CEP97: variants seen among roughly 807,000 people sequenced by gnomAD.
CEP97 encodes the protein centrosomal protein 97.
In CEP97, 43 loss-of-function variants were observed where a neutral mutation model predicts 73.1. That is an observed-to-expected ratio of 0.59 (90% CI 0.46 to 0.76). The LOEUF (loss-of-function observed/expected upper bound fraction) is 0.76. Among genes scored for constraint, CEP97 ranks in the 30% least tolerant of loss-of-function variants. CEP97 has a pLI of 0.00. For missense variants in CEP97, 939 were observed against 1,014.0 expected (o/e 0.93, Z 1.00); for synonymous variants, 337 against 370.0 (o/e 0.91, Z 1.02).
At chr3:101,732,725 A>G (rs1401294815) in intron 6 of CEP97, 71 bp downstream of exon 6, 13 of 1,323,484 alleles carry the variant, frequency 9.8e-6, no homozygotes, top group Non-Finnish European at 1.4e-5. Flanking sequence ...AGATTAATAG[A>G]GTATTTCTTA....
At chr3:101,752,366 ATG>A (rs1419761099) in intron 6 of CEP97, among the ~76,000 whole-genome samples, 2 of 151,924 alleles carry the variant, frequency 1.3e-5, no homozygotes, top group East Asian at 1.9e-4. Context: ...TCTGACAATT[ATG>A]TGTCTTGGAG....
chr3:101,756,979 C>G (rs753729758), intron 7 of CEP97, 84 bp from the exon 8 acceptor site: 18 of 1,314,076 alleles, frequency 1.4e-5, no homozygotes, highest in Non-Finnish European at 1.8e-5. Context: ...AAACTTCTGC[C>G]TTTTTGACAT....
intron 2 of CEP97, among the ~76,000 whole-genome samples, chr3:101,726,940 AG>A (rs1937910941): frequency 2.0e-5 from 3 of 152,218 alleles, no homozygotes; most frequent in South Asian, 4.1e-4. Context: ...TGTTAAGAAA[AG>A]GAAGCATTTT....
chr3:101,764,797 A>G, intron 10 of CEP97, 50 bp from the exon 11 acceptor site: 1 of 1,510,748 alleles, frequency 6.6e-7, no homozygotes. Flanking sequence ...ACAAACAAAC[A>G]AAAACAACAC....
At chr3:101,752,596 T>C (rs879677136) in intron 6 of CEP97, among the ~76,000 whole-genome samples, 121 of 152,320 alleles carry the variant, frequency 7.9e-4, no homozygotes, top group Admixed American at 1.2e-3. Context: ...TTCGTTTCTT[T>C]TTATTCTTTT....
intron 9 of CEP97, 35 bp from the exon 10 acceptor site, chr3:101,762,446 CCCTT>C (rs752421793): frequency 2.2e-6 from 3 of 1,357,504 alleles, no homozygotes; most frequent in Non-Finnish European, 3.1e-6. Context: ...AGTCAAAGCA[CCCTT>C]CCTTATGTCA....
chr3:101,747,625 C>T (rs13068350), intron 6 of CEP97, among the ~76,000 whole-genome samples: 46,511 of 148,728 alleles, frequency 0.31, 7,533 homozygotes, highest in Non-Finnish European at 0.35. Context: ...GGTGCGATCT[C>T]GGCTCACTGC....
In CEP97 at chr3:101,765,567, G is replaced by A. The variant is rs772130647; in HGVS notation, c.*16G>A. The A allele has an allele frequency of 1.3e-6, 2 of 1,565,886 alleles. No individual in the cohort carries two copies. Among genetic ancestry groups the A allele is most frequent in the Non-Finnish European group, 1.7e-6 (2 of 1,153,112 alleles). Reference sequence around the variant, plus strand: ...TACTGTGTAGCATGTCTTTTGGGAGGCAGATATCCACTTAACTTTTCTTAA... The same window carrying A: ...TACTGTGTAGCATGTCTTTTGGGAGACAGATATCCACTTAACTTTTCTTAA... On this transcript the variant is annotated 3_prime_UTR_variant, in exon 11 of 11. Coordinates refer to ENST00000341893, the MANE Select transcript of CEP97 (RefSeq NM_024548.4).
At chr3:101,729,279 G>C (rs1218692577) in intron 4 of CEP97, among the ~76,000 whole-genome samples, 1 of 151,738 alleles carries the variant, frequency 6.6e-6, no homozygotes, top group African/African-American at 2.4e-5. Flanking sequence ...TGGAGGTTGT[G>C]GTGACCCGAG....
rs369814686 is a variant in CEP97 at position 101,758,385 on chromosome 3, G to A, written c.1779G>A (p.Met593Ile). 2 of 1,614,150 alleles carry A rather than the reference G, an allele frequency of 1.2e-6. No individual in the cohort carries two copies. Among genetic ancestry groups the A allele is most frequent in the Non-Finnish European group, 1.7e-6 (2 of 1,180,034 alleles). Reference sequence around the variant, plus strand: ...GTTACGAAATCCGGCTACGCAGAATGCAAGAGCACATTGTCTGCTTAACTG... The same window carrying A: ...GTTACGAAATCCGGCTACGCAGAATACAAGAGCACATTGTCTGCTTAACTG... ...DVRYEIRLRR[M>I]QEHIVCLTDE... The change falls in exon 9 of 11, where the codon ATG becomes ATA. Residue 593 changes from methionine to isoleucine, a missense_variant. By Grantham distance (10) the Met-to-Ile change is conservative (BLOSUM62 1). Coordinates refer to ENST00000341893, the MANE Select transcript of CEP97 (RefSeq NM_024548.4).
chr3:101,756,924 T>C lies in CEP97; in HGVS notation c.894-139T>C, dbSNP rs941382122. The C allele has an allele frequency of 6.2e-5, 45 of 726,998 alleles. No individual in the cohort carries two copies. The African/African-American group carries it at 6.3e-4, about 10-fold the overall frequency. 45.0% of individuals were successfully genotyped at this position (726,998 alleles called of 1,614,324 possible). ...TTTATCCAGTGCTTTCAAATGAGGA[T>C]TTATAATTTGGCATTAATTAAAAGT... On this transcript the variant is annotated intron_variant, in intron 7 of 10. Coordinates refer to ENST00000341893, the MANE Select transcript of CEP97 (RefSeq NM_024548.4).
intron 6 of CEP97, among the ~76,000 whole-genome samples, chr3:101,743,252 C>T (rs1046806187): frequency 6.6e-6 from 1 of 151,860 alleles, no homozygotes; most frequent in African/African-American, 2.4e-5. Context: ...AAAAATACAA[C>T]CAGCATCTAG....
chr3:101,750,484 A>T (rs1353585460), intron 6 of CEP97, among the ~76,000 whole-genome samples: 1 of 152,146 alleles, frequency 6.6e-6, no homozygotes, highest in Admixed American at 6.6e-5. Flanking sequence ...TTCAGAAGGA[A>T]TGGTACCAGT....
intron 6 of CEP97, among the ~76,000 whole-genome samples, chr3:101,736,367 C>A (rs575196100): frequency 1.3e-5 from 2 of 152,366 alleles, no homozygotes; most frequent in African/African-American, 4.8e-5. Flanking sequence ...CAGACTGTCT[C>A]CTCAAGTGGG....
chr3:101,761,232 G>A (rs1167915627), intron 9 of CEP97, among the ~76,000 whole-genome samples: 1 of 152,142 alleles, frequency 6.6e-6, no homozygotes, highest in Non-Finnish European at 1.5e-5. Flanking sequence ...TGGACTGAAG[G>A]TCTAGATTGT....
In CEP97 at chr3:101,758,394, C is replaced by G. The variant is rs1273172275; in HGVS notation, c.1788C>G (p.His596Gln). The G allele has an allele frequency of 1.2e-6, 2 of 1,614,142 alleles. No homozygotes were observed. The highest frequency in any genetic ancestry group is 3.3e-5 in the Admixed American group (2 of 60,028). ...TCCGGCTACGCAGAATGCAAGAGCA[C>G]ATTGTCTGCTTAACTGATGAAATAA... ...YEIRLRRMQEHIVCLTDEIRR... is the reference protein window; with the variant it reads ...YEIRLRRMQEQIVCLTDEIRR... Residue 596 changes from histidine (H) to glutamine (Q), a missense_variant, in exon 9 of 11, where the codon CAC becomes CAG. Physicochemically the swap from His to Gln is conservative, Grantham distance 24. Transcript: ENST00000341893.
intron 6 of CEP97, among the ~76,000 whole-genome samples, chr3:101,747,005 C>T (rs1396507053): frequency 6.7e-6 from 1 of 149,680 alleles, no homozygotes; most frequent in Non-Finnish European, 1.5e-5. Context: ...GTTAGAATGG[C>T]AATCATTAAA....
intron 6 of CEP97, among the ~76,000 whole-genome samples, chr3:101,748,874 T>A (rs958524044): frequency 1.3e-5 from 2 of 152,156 alleles, no homozygotes; most frequent in African/African-American, 4.8e-5. Context: ...TCTCCTGACC[T>A]CATGATCCGC....
At position 101,755,601 on chromosome 3, in the gene CEP97, C is replaced by T; in HGVS notation, c.893+7C>T. On this transcript the variant is annotated splice_region_variant and intron_variant, in intron 7 of 10. Transcript: ENST00000341893. ...AGATTTTGAGCAAACAGAGGTAAGC[C>T]CATTTATTTCTAACAACTGATGAAT... 22 of 1,613,172 alleles carry T rather than the reference C, an allele frequency of 1.4e-5. No individual in the cohort carries two copies. Among genetic ancestry groups the T allele is most frequent in the Non-Finnish European group, 1.8e-5 (21 of 1,179,270 alleles).
Sources: allele counts gnomAD v4.1 joint callset (sites outside exome capture counted in the v4.1 genomes callset), GRCh38; gene constraint gnomAD v4.1.1; transcripts MANE v1.5; gene names NCBI Gene and HGNC (gene_info 2026-07-23, HGNC 2026-07-21).